Variants in SLC35D4 observed in about 807,000 individuals in gnomAD.
The protein encoded by SLC35D4 is UDP-N-acetylglucosamine transporter SLC35D4.
the SLC35D4 span, among the ~76,000 whole-genome samples, chr18:23,364,934 G>GAAAT: frequency 1.9e-4 from 17 of 88,986 alleles, 6 homozygotes; most frequent in African/African-American, 6.0e-4. Flanking sequence ...AAAAAAAAAA[G>GAAAT]GACTCCTTTC....
chr18:23,409,938 C>G, the SLC35D4 span, among the ~76,000 whole-genome samples: 1,106 of 151,044 alleles, frequency 7.3e-3, 9 homozygotes, highest in African/African-American at 0.026. Flanking sequence ...TACAGCGTAA[C>G]TACTACTGAC....
chr18:23,420,062 G>A, the SLC35D4 span, among the ~76,000 whole-genome samples: 4 of 152,198 alleles, frequency 2.6e-5, no homozygotes, highest in Admixed American at 2.6e-4. Flanking sequence ...CCAGCACTTT[G>A]GGAGGCCAAG....
chr18:23,423,590 A>G, the SLC35D4 span, among the ~76,000 whole-genome samples: 1 of 152,046 alleles, frequency 6.6e-6, no homozygotes, highest in South Asian at 2.1e-4. Flanking sequence ...AGGTTGAGAA[A>G]CCCCGGTCTA....
the SLC35D4 span, among the ~76,000 whole-genome samples, chr18:23,299,670 G>C: frequency 6.6e-6 from 1 of 152,172 alleles, no homozygotes; most frequent in Non-Finnish European, 1.5e-5. Context: ...TCCTTCCTCA[G>C]CTTAGAGACT....
chr18:23,385,657 G>A, the SLC35D4 span, among the ~76,000 whole-genome samples: 1 of 152,152 alleles, frequency 6.6e-6, no homozygotes, highest in African/African-American at 2.4e-5. Context: ...GGGACAGGAA[G>A]GTAGAGAGGT....
At chr18:23,339,448 T>C in the SLC35D4 span, among the ~76,000 whole-genome samples, 1 of 152,198 alleles carries the variant, frequency 6.6e-6, no homozygotes, top group Non-Finnish European at 1.5e-5. Context: ...ATGCTACAAT[T>C]CAATGTAAAT....
the SLC35D4 span, among the ~76,000 whole-genome samples, chr18:23,370,978 T>G: frequency 6.6e-6 from 1 of 152,200 alleles, no homozygotes; most frequent in South Asian, 2.1e-4. Flanking sequence ...CTTCACACCT[T>G]GGATTTAATT....
At chr18:23,327,461 A>G in the SLC35D4 span, among the ~76,000 whole-genome samples, 1 of 152,232 alleles carries the variant, frequency 6.6e-6, no homozygotes, top group African/African-American at 2.4e-5. Context: ...AGAAATGGAT[A>G]AATTCCTGGA....
the SLC35D4 span, among the ~76,000 whole-genome samples, chr18:23,286,915 G>A: frequency 3.0e-4 from 45 of 151,114 alleles, no homozygotes; most frequent in African/African-American, 1.0e-3. Flanking sequence ...CCTCCTTTGC[G>A]TCCTCCTCTT....
the SLC35D4 span, chr18:23,259,510 C>T: frequency 6.6e-6 from 1 of 152,200 alleles, no homozygotes; most frequent in East Asian, 1.9e-4. Flanking sequence ...TTTAAAGATG[C>T]ATTTTCATTT....
the SLC35D4 span, among the ~76,000 whole-genome samples, chr18:23,431,283 A>C: frequency 6.6e-6 from 1 of 152,258 alleles, no homozygotes; most frequent in East Asian, 1.9e-4. Context: ...TCATGAGCAA[A>C]CATGGAAGCA....
the SLC35D4 span, among the ~76,000 whole-genome samples, chr18:23,290,392 C>T: frequency 1.5e-4 from 23 of 152,296 alleles, 1 homozygote; most frequent in African/African-American, 5.1e-4. Flanking sequence ...GGACTTTGCC[C>T]GTGTGTCCCC....
the SLC35D4 span, among the ~76,000 whole-genome samples, chr18:23,304,618 G>C: frequency 6.6e-6 from 1 of 151,868 alleles, no homozygotes; most frequent in Non-Finnish European, 1.5e-5. Context: ...GGATATAAAG[G>C]TTTCTTCTCT....
At chr18:23,302,602 T>C in the SLC35D4 span, among the ~76,000 whole-genome samples, 1 of 152,194 alleles carries the variant, frequency 6.6e-6, no homozygotes, top group African/African-American at 2.4e-5. Flanking sequence ...TAATGACATA[T>C]ATATTTGAAC....
At chr18:23,365,321 T>C in the SLC35D4 span, among the ~76,000 whole-genome samples, 3 of 152,130 alleles carry the variant, frequency 2.0e-5, no homozygotes, top group Admixed American at 2.0e-4. Context: ...TGAAGAGCAA[T>C]TCAGGACGCT....
chr18:23,356,868 A>C, the SLC35D4 span, among the ~76,000 whole-genome samples: 97 of 152,312 alleles, frequency 6.4e-4, no homozygotes, highest in Non-Finnish European at 1.2e-3. The surrounding 1 kb of genome is among the most constrained non-coding windows in gnomAD (Gnocchi z 4.1). Flanking sequence ...AATAATGCCC[A>C]TTTAGTGAGA....
chr18:23,363,252 CAAAAAA>C, the SLC35D4 span, among the ~76,000 whole-genome samples: 4 of 107,954 alleles, frequency 3.7e-5, no homozygotes, highest in Admixed American at 9.3e-5. Flanking sequence ...GACTCTGTCT[CAAAAAA>C]AAAAAAAAAA....
the SLC35D4 span, among the ~76,000 whole-genome samples, chr18:23,385,335 C>T: frequency 6.6e-6 from 1 of 152,226 alleles, no homozygotes; most frequent in Non-Finnish European, 1.5e-5. Context: ...GTACAGAGAA[C>T]ACATCCCATG....
At chr18:23,379,125 CTT>C in the SLC35D4 span, among the ~76,000 whole-genome samples, 42 of 139,286 alleles carry the variant, frequency 3.0e-4, no homozygotes, top group Non-Finnish European at 2.6e-4. Flanking sequence ...CTCAAAAATT[CTT>C]TTTTTTTTTT....
Sources: gnomAD v4.1 joint callset for allele counts (sites outside exome capture counted in the v4.1 genomes callset) on GRCh38, gnomAD v4.1.1 for gene constraint, Gnocchi (gnomAD v3.1) non-coding constraint, MANE v1.5 for transcripts, NCBI Gene and HGNC (gene_info 2026-07-23, HGNC 2026-07-21) for gene names.